Variants in NTM observed in about 807,000 individuals in gnomAD.
The protein encoded by NTM is IgLON family member 2.
Under a neutral mutation model 42.1 loss-of-function variants are expected in NTM, and 13 were observed. That is an observed-to-expected ratio of 0.31 (90% CI 0.20 to 0.49). NTM has a LOEUF of 0.49. NTM is among the 20% of genes least tolerant of loss of function. The pLI is 0.99. For missense variants in NTM, 373 were observed against 452.8 expected (o/e 0.82, Z 1.60); for synonymous variants, 187 against 179.2 (o/e 1.04, Z -0.35).
chr11:131,618,662 T>C (rs2062201196), intron 1 of NTM, among the ~76,000 whole-genome samples: 1 of 152,202 alleles, frequency 6.6e-6, no homozygotes, highest in Non-Finnish European at 1.5e-5. Context: ...AGATGGAAAT[T>C]GAGCTTAAAT....
chr11:131,975,321 A>G (rs570883649), intron 2 of NTM, among the ~76,000 whole-genome samples: 1 of 152,222 alleles, frequency 6.6e-6, no homozygotes, highest in South Asian at 2.1e-4. Flanking sequence ...ACAGGACTAC[A>G]GGTGCACGCC....
At position 131,418,819 on chromosome 11, in the gene NTM, G is replaced by A. The variant is rs182273429; in HGVS notation, c.82+47931G>A. ...ACCAAGGTTTTGTCTGTCAGCTGAT[G>A]TTTGTGTATCATATGTATGCAAAGT... On this transcript the variant is annotated intron_variant, in intron 1 of 8. Transcript: ENST00000683400. Among the ~76,000 whole-genome samples, 17 of 152,284 alleles carry A rather than the reference G, an allele frequency of 1.1e-4. No homozygotes were observed. In the East Asian group the frequency reaches 2.3e-3, roughly 21 times the overall value.
At chr11:131,906,911 T>A in intron 1 of NTM, among the ~76,000 whole-genome samples, 1 of 152,230 alleles carries the variant, frequency 6.6e-6, no homozygotes, top group East Asian at 1.9e-4. Context: ...ACCACGATTT[T>A]ATTTTGATCC....
Position 132,335,661 on chromosome 11 carries a change from G to A in NTM, c.*515G>A, listed in dbSNP as rs1320070988. The stretch of plus-strand genomic sequence containing the variant: ...AAATAAAAAGAGCAAGAAAGAAAAA[G>A]GAAACAAAATAAGACCGTCTGACAG... On this transcript the variant is annotated 3_prime_UTR_variant, in exon 9 of 9. Coordinates refer to ENST00000683400, the MANE Select transcript of NTM (RefSeq NM_001352005.2). 1.3e-5 allele frequency: 2 copies of A among 152,282 alleles called. No homozygotes were observed. Among genetic ancestry groups the A allele is most frequent in the Non-Finnish European group, 2.9e-5 (2 of 68,054 alleles). The allele number at this position is 152,282 out of a possible 1,614,324, so 9.4% of individuals were successfully genotyped here. A position where few individuals can be genotyped will look rare whatever the true frequency, so the allele number is the denominator to read the frequency against.
In NTM at chr11:131,449,030, T is replaced by G. The variant is rs1171685690; in HGVS notation, c.82+78142T>G. Among the ~76,000 whole-genome samples, 4 of 152,038 alleles carry G rather than the reference T, an allele frequency of 2.6e-5. No individual in the cohort carries two copies. In the South Asian group the frequency reaches 8.3e-4, roughly 32 times the overall value. The stretch of plus-strand genomic sequence containing the variant: ...ACATTCAAAGAGCAGGGGCAAAATG[T>G]GGTGGTGAAGAAGAAGAATTTGGAA... On this transcript the variant is annotated intron_variant, in intron 1 of 8. Coordinates refer to ENST00000683400, the MANE Select transcript of NTM (RefSeq NM_001352005.2).
chr11:131,463,334 G>C (rs1232304034), intron 1 of NTM, among the ~76,000 whole-genome samples: 1 of 152,190 alleles, frequency 6.6e-6, no homozygotes, highest in Admixed American at 6.5e-5. Context: ...GGAGGTCCTA[G>C]ACCACAGCAG....
At chr11:132,279,671 CT>C (rs2093891219) in intron 4 of NTM, among the ~76,000 whole-genome samples, 1 of 152,132 alleles carries the variant, frequency 6.6e-6, no homozygotes, top group African/African-American at 2.4e-5. Context: ...TATATTTAGC[CT>C]TTAAAAATCT....
chr11:131,756,451 G>C (rs2135752731), intron 1 of NTM, among the ~76,000 whole-genome samples: 1 of 151,842 alleles, frequency 6.6e-6, no homozygotes, highest in East Asian at 1.9e-4. Flanking sequence ...TTGAACTCTG[G>C]AGACGGAGGT....
chr11:131,410,065 G>A (rs1946209909), intron 1 of NTM, among the ~76,000 whole-genome samples: 1 of 152,120 alleles, frequency 6.6e-6, no homozygotes. Flanking sequence ...GCTTTCCCTG[G>A]AGCAGGGAGC....
intron 2 of NTM, among the ~76,000 whole-genome samples, chr11:132,067,978 A>G (rs570043741): frequency 1.3e-5 from 2 of 152,264 alleles, no homozygotes; most frequent in Non-Finnish European, 2.9e-5. Context: ...ATTCTCCTGT[A>G]TGTGTCATAG....
At chr11:131,955,329 G>A (rs1027366130) in intron 2 of NTM, among the ~76,000 whole-genome samples, 1 of 152,142 alleles carries the variant, frequency 6.6e-6, no homozygotes, top group African/African-American at 2.4e-5. Flanking sequence ...TTCCCCAGAT[G>A]TTGAAGGGCT....
chr11:131,545,244 A>G (rs1019076693), intron 1 of NTM, among the ~76,000 whole-genome samples: 3 of 152,082 alleles, frequency 2.0e-5, no homozygotes, highest in Non-Finnish European at 4.4e-5. Context: ...GGCTTATCTT[A>G]CCATCTTTTT....
intron 1 of NTM, among the ~76,000 whole-genome samples, chr11:131,488,575 C>T (rs558442693): frequency 6.6e-5 from 10 of 152,302 alleles, no homozygotes; most frequent in Non-Finnish European, 1.3e-4. Context: ...GATATAGTTT[C>T]CACTTCACGA....
At position 132,146,204 on chromosome 11, in the gene NTM, C is replaced by A. The variant is rs2070374944; in HGVS notation, c.168-78C>A. On this transcript the variant is annotated intron_variant, in intron 2 of 8. Coordinates refer to ENST00000683400, the MANE Select transcript of NTM (RefSeq NM_001352005.2). This position sits in a 1 kb window ranked among gnomAD's most constrained non-coding sequence, Gnocchi z 4.5. ...AAGGGAGAAAGACAAGATATTCTAGCCTTGCCATGAGGACCTCCCTCTGAT... is the reference window on the plus strand; with the variant it reads ...AAGGGAGAAAGACAAGATATTCTAGACTTGCCATGAGGACCTCCCTCTGAT... The A allele has an allele frequency of 1.3e-6, 2 of 1,565,344 alleles. No individual in the cohort carries two copies. Among genetic ancestry groups the A allele is most frequent in the East Asian group, 2.3e-5 (1 of 43,758 alleles).
In NTM at chr11:131,415,485, A is replaced by G. The variant is rs186748084; in HGVS notation, c.82+44597A>G. ...GCTTGAGAATATAATCATATACCAC[A>G]TTATTAAGCATAAACAAAATAACCC... is the stretch of plus-strand genomic sequence containing the variant. On this transcript the variant is annotated intron_variant, in intron 1 of 8. Transcript: ENST00000683400. Among the ~76,000 whole-genome samples the G allele has an allele frequency of 2.6e-3, 393 of 152,336 alleles. 1 individual carries two copies. Among genetic ancestry groups the G allele is most frequent in the Middle Eastern group, 6.8e-3 (2 of 294 alleles).
intron 2 of NTM, among the ~76,000 whole-genome samples, chr11:131,975,426 C>T (rs1163912921): frequency 6.6e-6 from 1 of 152,184 alleles, no homozygotes; most frequent in Non-Finnish European, 1.5e-5. Flanking sequence ...GATCCACCTG[C>T]CTTGGCCTCC....
At chr11:131,766,314 A>G (rs1341599053) in intron 1 of NTM, among the ~76,000 whole-genome samples, 1 of 152,180 alleles carries the variant, frequency 6.6e-6, no homozygotes, top group Admixed American at 6.5e-5. Flanking sequence ...CATCTCCAGA[A>G]GCTTAGGTCT....
intron 4 of NTM, among the ~76,000 whole-genome samples, chr11:132,263,145 C>T (rs1404045456): frequency 6.6e-6 from 1 of 152,160 alleles, no homozygotes; most frequent in Non-Finnish European, 1.5e-5. Context: ...GGGTGGCAGT[C>T]CTGCGCCCAC....
chr11:131,645,127 A>G (rs1592344238), intron 1 of NTM, among the ~76,000 whole-genome samples: 2 of 152,298 alleles, frequency 1.3e-5, no homozygotes, highest in African/African-American at 2.4e-5. Context: ...ATACCTCACA[A>G]TAATCACATG....
Sources: allele counts gnomAD v4.1 joint callset (sites outside exome capture counted in the v4.1 genomes callset), GRCh38; gene constraint gnomAD v4.1.1; non-coding constraint Gnocchi (gnomAD v3.1); transcripts MANE v1.5; gene names NCBI Gene and HGNC (gene_info 2026-07-23, HGNC 2026-07-21).